The following CEMIP variants were observed in gnomAD, a reference collection of about 807,000 sequenced individuals.
The protein encoded by CEMIP is cell migration inducing hyaluronidase 1, also known as cell migration-inducing and hyaluronan-binding protein.
A neutral mutation model predicts 156.9 loss-of-function variants in CEMIP; 105 were observed. The ratio of observed to expected loss-of-function variants is 0.67; its 90% CI spans 0.57 to 0.79. The LOEUF (loss-of-function observed/expected upper bound fraction) is 0.79. Ranked by LOEUF, CEMIP falls within the 30% of genes least tolerant of loss-of-function variation. The probability of loss-of-function intolerance (pLI) is 0.00; values close to 1 mark genes in which losing one functional copy is unlikely to be tolerated. For synonymous variants in CEMIP, 676 were observed against 668.4 expected, an observed-to-expected ratio of 1.01 and a Z score of -0.17; for missense variants, 1,457 against 1,769.4, an observed-to-expected ratio of 0.82 and a Z score of 3.17.
Position 80,891,634 on chromosome 15 carries a change from T to C in CEMIP, c.1086+2042T>C, listed in dbSNP as rs149803742. On this transcript the variant is annotated intron_variant, in intron 10 of 29. Transcript: ENST00000394685. ...CATAATAAGACCTTTGGCTTTTTCT[T>C]GGCAAAACCAAGGTCTATTGAGATG... Among the ~76,000 whole-genome samples the C allele has an allele frequency of 1.1e-3, 165 of 152,326 alleles. No individual in the cohort carries two copies. In the East Asian group the frequency reaches 0.023, roughly 21 times the overall value.
rs1048335763 is a variant in CEMIP, at chr15:80,920,271, T to C, written c.1975T>C (p.Tyr659His). The C allele has an allele frequency of 8.1e-6, 13 of 1,613,940 alleles. No homozygotes were observed. Among genetic ancestry groups the C allele is most frequent in the Admixed American group, 1.7e-5 (1 of 59,994 alleles). ...GATCACAGAGGACTCCTACCCGGGG[T>C]ACATCCCCAAGCCCAGGCAAGACTG... is the stretch of plus-strand genomic sequence containing the variant. Reference protein sequence around the residue: ...KMITEDSYPGYIPKPRQDCNA... With the variant: ...KMITEDSYPGHIPKPRQDCNA... Residue 659 changes from tyrosine to histidine, a missense_variant, in exon 15 of 30, where the codon TAC becomes CAC. Tyr to His is a moderately conservative substitution (Grantham distance 83). Transcript: ENST00000394685.
intron 1 of CEMIP, among the ~76,000 whole-genome samples, chr15:80,866,457 T>C (rs969959821): frequency 1.3e-4 from 19 of 151,866 alleles, no homozygotes; most frequent in Admixed American, 1.1e-3. Flanking sequence ...CCAGGCGTGG[T>C]GGTGGGCGCC....
chr15:80,924,547 T>G, intron 17 of CEMIP, 74 bp from the exon 18 acceptor site: 5 of 1,313,624 alleles, frequency 3.8e-6, no homozygotes, highest in Non-Finnish European at 5.5e-6. Flanking sequence ...AAGTATGCAG[T>G]GAGGCTGACT....
At chr15:80,817,914 G>A (rs190877229) in intron 1 of CEMIP, among the ~76,000 whole-genome samples, 15 of 152,260 alleles carry the variant, frequency 9.9e-5, no homozygotes, top group Non-Finnish European at 2.1e-4. Context: ...GGCAATAGGT[G>A]TTGGTCAGTT....
chr15:80,890,458 C>CG, intron 10 of CEMIP, among the ~76,000 whole-genome samples: 1 of 150,938 alleles, frequency 6.6e-6, no homozygotes, highest in East Asian at 1.9e-4. Context: ...GGTGTGGTGG[C>CG]GGGTGCCTGT....
intron 8 of CEMIP, 56 bp from the exon 9 acceptor site, chr15:80,888,645 A>C: frequency 6.6e-7 from 1 of 1,514,160 alleles, no homozygotes; most frequent in South Asian, 1.1e-5. Flanking sequence ...TTGGAGTCAC[A>C]ACTTTTTGAA....
chr15:80,888,582 AT>A (rs1567084604), intron 8 of CEMIP, 118 bp from the exon 9 acceptor site: 1 of 743,958 alleles, frequency 1.3e-6, no homozygotes, highest in Non-Finnish European at 2.4e-6. Flanking sequence ...TACTTAAAAA[AT>A]ATTTTTAAAG....
At chr15:80,889,700 C>G in intron 10 of CEMIP, 108 bp downstream of exon 10, 1 of 1,423,630 alleles carries the variant, frequency 7.0e-7, no homozygotes, top group Non-Finnish European at 9.8e-7. Context: ...TCGTTGCCCT[C>G]CTGTGAGGTA....
chr15:80,834,913 C>G (rs775833071), intron 1 of CEMIP, among the ~76,000 whole-genome samples: 1 of 151,964 alleles, frequency 6.6e-6, no homozygotes, highest in African/African-American at 2.4e-5. Flanking sequence ...ATTATTTAGG[C>G]CTTTGAAAAT....
At chr15:80,827,346 G>T (rs190282813) in intron 1 of CEMIP, among the ~76,000 whole-genome samples, 2 of 152,330 alleles carry the variant, frequency 1.3e-5, no homozygotes, top group South Asian at 2.1e-4. Flanking sequence ...ATAGTTTTCA[G>T]TCCAAAGTCA....
At chr15:80,853,762 T>A (rs536443309) in intron 1 of CEMIP, among the ~76,000 whole-genome samples, 1 of 152,304 alleles carries the variant, frequency 6.6e-6, no homozygotes, top group South Asian at 2.1e-4. Flanking sequence ...GGTGTATACA[T>A]AAGAAGGGCT....
intron 1 of CEMIP, among the ~76,000 whole-genome samples, chr15:80,869,228 A>T (rs1156777136): frequency 6.6e-6 from 1 of 152,136 alleles, no homozygotes; most frequent in African/African-American, 2.4e-5. Context: ...ATTTTACCTT[A>T]GTTACCTCTT....
intron 6 of CEMIP, among the ~76,000 whole-genome samples, chr15:80,882,898 G>C (rs1172081175): frequency 6.6e-6 from 1 of 152,102 alleles, no homozygotes; most frequent in Non-Finnish European, 1.5e-5. Context: ...AGAAAAGGTG[G>C]GAAGGAATGA....
At chr15:80,871,879 G>A (rs568429924) in intron 1 of CEMIP, among the ~76,000 whole-genome samples, 4 of 152,306 alleles carry the variant, frequency 2.6e-5, no homozygotes, top group Non-Finnish European at 5.9e-5. Flanking sequence ...CCCAGATGCC[G>A]TGATGCGTGA....
intron 1 of CEMIP, among the ~76,000 whole-genome samples, chr15:80,850,277 T>C (rs761112802): frequency 3.2e-4 from 48 of 152,018 alleles, no homozygotes; most frequent in Non-Finnish European, 6.6e-4. Context: ...GCTTCTTTAT[T>C]GTCATCTTCT....
At chr15:80,925,082 A>G (rs1900609662) in intron 18 of CEMIP, among the ~76,000 whole-genome samples, 1 of 152,220 alleles carries the variant, frequency 6.6e-6, no homozygotes, top group South Asian at 2.1e-4. Flanking sequence ...TCATGCCTAT[A>G]AATAAGCCTA....
intron 1 of CEMIP, among the ~76,000 whole-genome samples, chr15:80,852,966 A>G (rs1167025495): frequency 6.6e-6 from 1 of 152,198 alleles, no homozygotes; most frequent in Non-Finnish European, 1.5e-5. Flanking sequence ...GAGTCCTTCA[A>G]GCCTGCACAG....
intron 19 of CEMIP, among the ~76,000 whole-genome samples, chr15:80,927,019 C>T (rs1137412): frequency 0.93 from 141,975 of 152,156 alleles, 66,999 homozygotes; most frequent in East Asian, 1. Context: ...TCAGTAGAGA[C>T]GGGGTTTCAC....
chr15:80,866,777 A>G (rs1346450196), intron 1 of CEMIP, among the ~76,000 whole-genome samples: 5 of 131,172 alleles, frequency 3.8e-5, no homozygotes, highest in Non-Finnish European at 8.2e-5. Flanking sequence ...CAAGAACAAA[A>G]CTCTGTCTTA....
Sources: allele counts gnomAD v4.1 joint callset (sites outside exome capture counted in the v4.1 genomes callset), GRCh38; gene constraint gnomAD v4.1.1; transcripts MANE v1.5; gene names NCBI Gene and HGNC (gene_info 2026-07-23, HGNC 2026-07-21).